Variants in LRRTM4 observed in about 807,000 individuals in gnomAD.
LRRTM4 encodes the protein leucine-rich repeat transmembrane neuronal protein 4.
Under a neutral mutation model 47.6 loss-of-function variants are expected in LRRTM4, and 25 were observed. The ratio of observed to expected loss-of-function variants is 0.53; its 90% CI spans 0.38 to 0.73. The LOEUF (loss-of-function observed/expected upper bound fraction) is 0.73. Ranked by LOEUF, LRRTM4 falls within the 30% of genes least tolerant of loss-of-function variation. The pLI, the probability that LRRTM4 is intolerant of heterozygous loss-of-function variation, is 0.00. For synonymous variants in LRRTM4, 311 were observed against 269.5 expected, an observed-to-expected ratio of 1.15 and a Z score of -1.51; for missense variants, 638 against 713.4, an observed-to-expected ratio of 0.89 and a Z score of 1.20.
chr2:77,174,322 G>A (rs548762293), intron 3 of LRRTM4, among the ~76,000 whole-genome samples: 8 of 152,260 alleles, frequency 5.3e-5, no homozygotes, highest in East Asian at 1.9e-4. Flanking sequence ...AGAGCCACAC[G>A]GACATTATTC....
intron 3 of LRRTM4, among the ~76,000 whole-genome samples, chr2:76,874,126 G>A (rs533418409): frequency 6.7e-5 from 10 of 149,458 alleles, no homozygotes; most frequent in Admixed American, 2.0e-4. Flanking sequence ...TTTTTTTCTC[G>A]GAACATTTGC....
At chr2:77,068,645 AT>A (rs1680042303) in intron 3 of LRRTM4, among the ~76,000 whole-genome samples, 1 of 152,116 alleles carries the variant, frequency 6.6e-6, no homozygotes, top group Non-Finnish European at 1.5e-5. Flanking sequence ...ATGGTACTTC[AT>A]TTTCTGACAT....
At position 77,041,675 on chromosome 2, in the gene LRRTM4, A is replaced by G. The variant is rs545924382; in HGVS notation, c.1552-292759T>C. Among the ~76,000 whole-genome samples, 23 of 151,296 alleles carry G rather than the reference A, an allele frequency of 1.5e-4. No homozygotes were observed. In the South Asian group the frequency reaches 4.8e-3, roughly 31 times the overall value. On this transcript the variant is annotated intron_variant, in intron 3 of 3. Coordinates refer to ENST00000409884, the MANE Select transcript of LRRTM4 (RefSeq NM_001134745.3). ...AGTGATGTTGATTACTTTTTCATACATCTGTTGGCCCTTTCTATGTCTTTT... is the reference window on the plus strand; with the variant it reads ...AGTGATGTTGATTACTTTTTCATACGTCTGTTGGCCCTTTCTATGTCTTTT...
At chr2:77,382,024 G>C (rs1021140291) in intron 3 of LRRTM4, among the ~76,000 whole-genome samples, 1 of 151,996 alleles carries the variant, frequency 6.6e-6, no homozygotes, top group Non-Finnish European at 1.5e-5. Context: ...CATGTGATAT[G>C]GATATCTATT....
chr2:77,014,772 A>G (rs910863559), intron 3 of LRRTM4, among the ~76,000 whole-genome samples: 5 of 152,136 alleles, frequency 3.3e-5, no homozygotes, highest in Non-Finnish European at 7.4e-5. Flanking sequence ...AGATTGTGCC[A>G]CTGTACTGCA....
In LRRTM4 at chr2:76,912,064, G is replaced by C. The variant is rs376941286; in HGVS notation, c.1552-163148C>G. ...CTGCCCCGAGTAGCTGCAACTATAGGCGCCCGCCACCATGCCCGGCTAATT... is the reference window on the plus strand; with the variant it reads ...CTGCCCCGAGTAGCTGCAACTATAGCCGCCCGCCACCATGCCCGGCTAATT... On this transcript the variant is annotated intron_variant, in intron 3 of 3. Transcript: ENST00000409884. Among the ~76,000 whole-genome samples, 87 of 151,772 alleles carry C rather than the reference G, an allele frequency of 5.7e-4. 1 individual carries two copies. The East Asian group carries it at 0.012, about 22-fold the overall frequency.
rs888877725 is a variant in LRRTM4 at position 77,384,586 on chromosome 2, GA to G, written c.1551+133731del. Among the ~76,000 whole-genome samples the G allele has an allele frequency of 1.1e-4, 17 of 151,718 alleles. No homozygotes were observed. The East Asian group carries it at 1.9e-3, about 17-fold the overall frequency. On this transcript the variant is annotated intron_variant, in intron 3 of 3. Coordinates refer to ENST00000409884, the MANE Select transcript of LRRTM4 (RefSeq NM_001134745.3). Reference sequence around the variant, plus strand: ...AAGATCCTCATGACCAAAATAAAATGAAAAAAATGGCATTTAGAAATTGAAA... The same window carrying G: ...AAGATCCTCATGACCAAAATAAAATGAAAAAATGGCATTTAGAAATTGAAA...
At chr2:77,474,403 C>A (rs1315679078) in intron 3 of LRRTM4, among the ~76,000 whole-genome samples, 2 of 151,826 alleles carry the variant, frequency 1.3e-5, no homozygotes, top group Admixed American at 1.3e-4. Flanking sequence ...TCTGACTAAG[C>A]CCAACTGCCA....
At chr2:76,801,985 G>T (rs534971566) in intron 3 of LRRTM4, among the ~76,000 whole-genome samples, 1 of 152,162 alleles carries the variant, frequency 6.6e-6, no homozygotes, top group Admixed American at 6.6e-5. Flanking sequence ...CAGAATAAAG[G>T]CAGTATATGG....
chr2:76,748,593 A>G lies in LRRTM4; in HGVS notation c.*102T>C. On this transcript the variant is annotated 3_prime_UTR_variant, in exon 4 of 4. Transcript: ENST00000409884. Reference sequence around the variant, plus strand: ...TGCCATAAATGTTTTAACAGGAACGATGAGCTTGCTCGATTGCGCGATTGT... The same window carrying G: ...TGCCATAAATGTTTTAACAGGAACGGTGAGCTTGCTCGATTGCGCGATTGT... The G allele has an allele frequency of 1.1e-6, 1 of 935,374 alleles. No individual in the cohort carries two copies. The highest frequency in any genetic ancestry group is 1.6e-6 in the Non-Finnish European group (1 of 606,214). The allele number at this position is 935,374 out of a possible 1,614,324, so 57.9% of individuals were successfully genotyped here. A position where few individuals can be genotyped will look rare whatever the true frequency, so the allele number is the denominator to read the frequency against.
At chr2:77,118,320 G>C (rs1176688617) in intron 3 of LRRTM4, among the ~76,000 whole-genome samples, 1 of 151,736 alleles carries the variant, frequency 6.6e-6, no homozygotes, top group Non-Finnish European at 1.5e-5. Flanking sequence ...AGAAAAAAAA[G>C]ACAATGCCAA....
intron 3 of LRRTM4, among the ~76,000 whole-genome samples, chr2:77,387,926 A>T (rs1673348541): frequency 6.6e-6 from 1 of 152,102 alleles, no homozygotes; most frequent in South Asian, 2.1e-4. Context: ...TAAAAAAAAA[A>T]TTGATCAGGA....
At chr2:77,435,625 T>C (rs973871157) in intron 3 of LRRTM4, among the ~76,000 whole-genome samples, 1 of 152,074 alleles carries the variant, frequency 6.6e-6, no homozygotes, top group African/African-American at 2.4e-5. Flanking sequence ...TTGATGTGAG[T>C]AAGAAAGATA....
intron 3 of LRRTM4, among the ~76,000 whole-genome samples, chr2:77,459,194 T>A (rs753314920): frequency 7.9e-5 from 12 of 152,240 alleles, no homozygotes; most frequent in Non-Finnish European, 1.5e-4. Flanking sequence ...CCTCAAAAAT[T>A]GGATTTTATC....
At chr2:77,399,133 T>C (rs374650850) in intron 3 of LRRTM4, among the ~76,000 whole-genome samples, 1 of 151,520 alleles carries the variant, frequency 6.6e-6, no homozygotes, top group South Asian at 2.1e-4. Context: ...GCCATTCCTA[T>C]TGAAGTCAAT....
At chr2:77,273,047 G>A (rs900571086) in intron 3 of LRRTM4, among the ~76,000 whole-genome samples, 3 of 152,098 alleles carry the variant, frequency 2.0e-5, no homozygotes, top group African/African-American at 2.4e-5. Context: ...TTTTCATTCT[G>A]TGTGGCATAA....
At chr2:76,831,343 A>C (rs1320922647) in intron 3 of LRRTM4, among the ~76,000 whole-genome samples, 1 of 152,142 alleles carries the variant, frequency 6.6e-6, no homozygotes, top group Non-Finnish European at 1.5e-5. Context: ...GTGCGTGTGC[A>C]CACGCTCGCA....
At chr2:76,762,866 T>C (rs1248543465) in intron 3 of LRRTM4, among the ~76,000 whole-genome samples, 1 of 152,182 alleles carries the variant, frequency 6.6e-6, no homozygotes, top group Admixed American at 6.5e-5. Flanking sequence ...GTTTATGTCA[T>C]GTGAAGCAGG....
intron 3 of LRRTM4, among the ~76,000 whole-genome samples, chr2:76,886,272 G>C (rs1454580285): frequency 6.6e-6 from 1 of 152,094 alleles, no homozygotes; most frequent in African/African-American, 2.4e-5. Context: ...TTGATCATTT[G>C]GGTCCAATAC....
Sources: allele counts gnomAD v4.1 joint callset (sites outside exome capture counted in the v4.1 genomes callset), GRCh38; gene constraint gnomAD v4.1.1; transcripts MANE v1.5; gene names NCBI Gene and HGNC (gene_info 2026-07-23, HGNC 2026-07-21).